The following RBM33 variants were observed in gnomAD, a reference collection of about 807,000 sequenced individuals.
The protein encoded by RBM33 is RNA-binding protein 33.
Under a neutral mutation model 132.6 loss-of-function variants are expected in RBM33, and 28 were observed. The observed-to-expected ratio is 0.21, with a 90% confidence interval of 0.16 to 0.29. The LOEUF (loss-of-function observed/expected upper bound fraction) is 0.29, where lower values mean the gene tolerates loss of function less well. RBM33 is among the 10% of genes least tolerant of loss of function. RBM33 has a pLI of 1.00. For missense variants in RBM33, 1,291 were observed against 1,518.5 expected, an observed-to-expected ratio of 0.85 and a Z score of 2.49; for synonymous variants, 634 against 593.0, an observed-to-expected ratio of 1.07 and a Z score of -1.01.
At chr7:155,696,632 C>T (rs1799801580) in intron 5 of RBM33, among the ~76,000 whole-genome samples, 1 of 152,084 alleles carries the variant, frequency 6.6e-6, no homozygotes, top group South Asian at 2.1e-4. Flanking sequence ...GTTGATGCTT[C>T]TTTTTTGCAT....
At chr7:155,757,880 G>A (rs1280314334) in intron 14 of RBM33, among the ~76,000 whole-genome samples, 1 of 124,640 alleles carries the variant, frequency 8.0e-6, no homozygotes, top group Non-Finnish European at 1.6e-5. Flanking sequence ...GCATGGTGGT[G>A]TGGGGTGGGG....
At chr7:155,754,716 A>T (rs926398206) in intron 14 of RBM33, among the ~76,000 whole-genome samples, 1 of 152,244 alleles carries the variant, frequency 6.6e-6, no homozygotes, top group Non-Finnish European at 1.5e-5. Flanking sequence ...GTTAAGAGAG[A>T]GAGCAAGCAC....
chr7:155,665,918 A>G (rs1798788419), intron 2 of RBM33, among the ~76,000 whole-genome samples: 1 of 152,238 alleles, frequency 6.6e-6, no homozygotes, highest in Non-Finnish European at 1.5e-5. Context: ...AACACCTTAA[A>G]TACTGTGTTG....
intron 1 of RBM33, among the ~76,000 whole-genome samples, chr7:155,660,671 G>C (rs1798615647): frequency 6.6e-6 from 1 of 152,134 alleles, no homozygotes; most frequent in Non-Finnish European, 1.5e-5. Context: ...GGTTTTTTCT[G>C]TGTCTTTGGC....
At chr7:155,704,728 C>T (rs765126467) in intron 6 of RBM33, among the ~76,000 whole-genome samples, 13 of 152,180 alleles carry the variant, frequency 8.5e-5, no homozygotes, top group Non-Finnish European at 1.6e-4. Flanking sequence ...TTCATTGGCA[C>T]GTGTTACATG....
chr7:155,742,638 G>A (rs1801387329), intron 13 of RBM33, among the ~76,000 whole-genome samples: 2 of 152,156 alleles, frequency 1.3e-5, no homozygotes, highest in African/African-American at 4.8e-5. Context: ...TAGAAGATAG[G>A]ACCAATTTTC....
At chr7:155,772,862 G>A (rs1802476192) in intron 16 of RBM33, among the ~76,000 whole-genome samples, 1 of 152,192 alleles carries the variant, frequency 6.6e-6, no homozygotes, top group African/African-American at 2.4e-5. Flanking sequence ...TGTAAACGCT[G>A]TTGTAGAAGC....
intron 8 of RBM33, among the ~76,000 whole-genome samples, chr7:155,714,773 TG>T (rs1800410388): frequency 6.6e-6 from 1 of 152,006 alleles, no homozygotes; most frequent in East Asian, 1.9e-4. Flanking sequence ...GTTTCAGAAG[TG>T]GAGAGTAGCC....
At chr7:155,753,797 T>C (rs1002507868) in intron 14 of RBM33, among the ~76,000 whole-genome samples, 23 of 152,224 alleles carry the variant, frequency 1.5e-4, no homozygotes, top group African/African-American at 5.1e-4. Flanking sequence ...ACCTCATGCC[T>C]GCCAAGTTGG....
Position 155,656,339 on chromosome 7 carries a change from A to G in RBM33, c.44-8836A>G, listed in dbSNP as rs548139101. Among the ~76,000 whole-genome samples, 4 of 150,980 alleles carry G rather than the reference A, an allele frequency of 2.6e-5. No homozygotes were observed. The South Asian group carries it at 6.4e-4, about 24-fold the overall frequency. On this transcript the variant is annotated intron_variant, in intron 1 of 17. Transcript: ENST00000401878. ...GCACAAAATCATGGTTAAAGATCCAATAACAGTACAAGACACGCTTGGACT... is the reference window on the plus strand; with the variant it reads ...GCACAAAATCATGGTTAAAGATCCAGTAACAGTACAAGACACGCTTGGACT...
chr7:155,644,816 G>A lies in RBM33; in HGVS notation c.-61G>A. 1.4e-6 allele frequency: 2 copies of A among 1,386,208 alleles called. No homozygotes were observed. The highest frequency in any genetic ancestry group is 9.5e-7 in the Non-Finnish European group (1 of 1,050,694). 85.9% of individuals were successfully genotyped at this position (1,386,208 alleles called of 1,614,324 possible). ...GTCACCCGTACCCGGGCCCGGACCA[G>A]GCACGTCGGCCCACCAGCTGGCTTG... On this transcript the variant is annotated 5_prime_UTR_variant, in exon 1 of 18. Coordinates refer to ENST00000401878, the MANE Select transcript of RBM33 (RefSeq NM_053043.3).
rs1288140161 is a variant in RBM33, at chr7:155,777,602, G to A, written c.*2561G>A. On this transcript the variant is annotated 3_prime_UTR_variant, in exon 18 of 18. Transcript: ENST00000401878. ...AAGATCTGCTGCAACCATTATCTTT[G>A]TTCTTGAGTTCATCATGCATTTAAA... 1 of 152,590 alleles carries A rather than the reference G, an allele frequency of 6.6e-6. No individual in the cohort carries two copies. Among genetic ancestry groups the A allele is most frequent in the East Asian group, 1.9e-4 (1 of 5,204 alleles). 9.5% of individuals were successfully genotyped at this position (152,590 alleles called of 1,614,324 possible).
At chr7:155,757,819 C>G (rs1801901237) in intron 14 of RBM33, among the ~76,000 whole-genome samples, 1 of 142,454 alleles carries the variant, frequency 7.0e-6, no homozygotes, top group Non-Finnish European at 1.5e-5. Context: ...AGCTTCCAAT[C>G]ATGGTGGAAT....
chr7:155,699,896 A>C (rs1799909397), intron 5 of RBM33, among the ~76,000 whole-genome samples: 1 of 152,224 alleles, frequency 6.6e-6, no homozygotes, highest in African/African-American at 2.4e-5. Context: ...TAAAGGAGCA[A>C]ATATATTCTC....
intron 5 of RBM33, among the ~76,000 whole-genome samples, chr7:155,681,643 T>C (rs1585431331): frequency 6.6e-6 from 1 of 152,282 alleles, no homozygotes; most frequent in East Asian, 1.9e-4. Context: ...TAGTAGAATC[T>C]TAGGGTTTTT....
chr7:155,755,955 G>A (rs907718545), intron 14 of RBM33, among the ~76,000 whole-genome samples: 16 of 152,014 alleles, frequency 1.1e-4, no homozygotes, highest in Non-Finnish European at 2.1e-4. Context: ...ATAATCATTT[G>A]TGGGAAAAAA....
At chr7:155,743,078 CTGATA>C (rs1018917607) in intron 13 of RBM33, among the ~76,000 whole-genome samples, 1 of 152,130 alleles carries the variant, frequency 6.6e-6, no homozygotes, top group African/African-American at 2.4e-5. Context: ...AGATTTTCTT[CTGATA>C]TATTATTGTA....
At position 155,739,859 on chromosome 7, in the gene RBM33, C is replaced by G; in HGVS notation, c.1882C>G (p.Gln628Glu). 6.5e-7 allele frequency: 1 copy of G among 1,533,430 alleles called. No individual in the cohort carries two copies. Among genetic ancestry groups the G allele is most frequent in the South Asian group, 1.2e-5 (1 of 83,052 alleles). 95.0% of individuals were successfully genotyped at this position (1,533,430 alleles called of 1,614,324 possible). ...CCAGCCCCCACCCCAGCACCCACCA[C>G]AGCACCCGCCGCAGCACCAGCACCA... The part of the protein sequence containing the change: ...QHQPPPQHPP[Q>E]HPPQHQHHHH... Residue 628 changes from glutamine to glutamate, a missense_variant, in exon 12 of 18, where the codon CAG becomes GAG. This residue lies in a region of RBM33 where 841 missense variants were observed against 912.0 expected (regional missense o/e 0.92). Transcript: ENST00000401878.
intron 1 of RBM33, among the ~76,000 whole-genome samples, chr7:155,654,113 T>C (rs987744497): frequency 6.6e-6 from 1 of 151,984 alleles, no homozygotes; most frequent in Admixed American, 6.6e-5. Flanking sequence ...ACCAAACTTA[T>C]TAACTTCTAC....
Sources: gnomAD v4.1 joint callset for allele counts (sites outside exome capture counted in the v4.1 genomes callset) on GRCh38, gnomAD v4.1.1 for gene constraint, gnomAD v4.1.1 regional missense constraint, MANE v1.5 for transcripts, NCBI Gene and HGNC (gene_info 2026-07-23, HGNC 2026-07-21) for gene names.